Variants in ANKIB1 observed in about 807,000 individuals in gnomAD.
The protein encoded by ANKIB1 is ankyrin repeat and IBR domain-containing protein 1.
In ANKIB1, 43 loss-of-function variants were observed where a neutral mutation model predicts 122.1. The ratio of observed to expected loss-of-function variants is 0.35; its 90% CI spans 0.28 to 0.45. The LOEUF is 0.45. ANKIB1 is among the 20% of genes least tolerant of loss of function. The pLI, the probability that ANKIB1 is intolerant of heterozygous loss-of-function variation, is 1.00. For missense variants in ANKIB1, 992 were observed against 1,329.5 expected, an observed-to-expected ratio of 0.75 and a Z score of 3.95; for synonymous variants, 390 against 442.0, an observed-to-expected ratio of 0.88 and a Z score of 1.48.
intron 1 of ANKIB1, among the ~76,000 whole-genome samples, chr7:92,249,935 G>T (rs1254921081): frequency 6.6e-6 from 1 of 152,068 alleles, no homozygotes; most frequent in African/African-American, 2.4e-5. Context: ...CTTGTGTATA[G>T]TATTACTGGA....
At chr7:92,268,714 G>A (rs1248239196) in intron 1 of ANKIB1, among the ~76,000 whole-genome samples, 4 of 152,284 alleles carry the variant, frequency 2.6e-5, no homozygotes, top group East Asian at 3.9e-4. Flanking sequence ...GGACCCAAAC[G>A]ATCCTCCTAC....
Position 92,398,962 on chromosome 7 carries a change from T to C in ANKIB1, c.*13T>C. 6.5e-7 allele frequency: 1 copy of C among 1,532,742 alleles called. No homozygotes were observed. The highest frequency in any genetic ancestry group is 1.3e-5 in the South Asian group (1 of 76,552). 94.9% of individuals were successfully genotyped at this position (1,532,742 alleles called of 1,614,324 possible). On this transcript the variant is annotated 3_prime_UTR_variant, in exon 20 of 20. Transcript: ENST00000265742. ...ACATTTAGTGTGAACTGCACACATC[T>C]GGGCTCTAAATGAATTACAGGTACA...
intron 1 of ANKIB1, among the ~76,000 whole-genome samples, chr7:92,270,061 T>C (rs1004393230): frequency 3.3e-5 from 5 of 151,856 alleles, no homozygotes; most frequent in African/African-American, 9.7e-5. Context: ...TTCTGGTCTT[T>C]TAAAAAAAAT....
intron 5 of ANKIB1, among the ~76,000 whole-genome samples, chr7:92,330,510 A>C (rs1295407368): frequency 6.6e-6 from 1 of 152,092 alleles, no homozygotes; most frequent in East Asian, 1.9e-4. Context: ...GACCTGAGTA[A>C]AAAAATTAAA....
intron 9 of ANKIB1, among the ~76,000 whole-genome samples, chr7:92,360,141 A>G (rs1423999654): frequency 6.6e-6 from 1 of 152,120 alleles, no homozygotes; most frequent in Non-Finnish European, 1.5e-5. Flanking sequence ...TCACAGTGCA[A>G]CTATAACATT....
intron 1 of ANKIB1, among the ~76,000 whole-genome samples, chr7:92,273,804 ACT>A (rs1801845799): frequency 6.6e-6 from 1 of 150,544 alleles, no homozygotes; most frequent in South Asian, 2.1e-4. Flanking sequence ...ACAGGGAATC[ACT>A]CTGTCACCAA....
At position 92,307,582 on chromosome 7, in the gene ANKIB1, A is replaced by G. The variant is rs373686304; in HGVS notation, c.412A>G (p.Ile138Val). Residue 138 changes from isoleucine (I) to valine (V), a missense_variant, in exon 3 of 20, where the codon ATT becomes GTT. Physicochemically the swap from Ile to Val is conservative, Grantham distance 29. Coordinates refer to ENST00000265742, the MANE Select transcript of ANKIB1 (RefSeq NM_019004.2). ...LDQGEYERAA[I>V]DAVDNKKNTP... ...CCAGGGTGAATATGAGAGAGCAGCT[A>G]TTGATGCTGTTGATAACAAAAAAAA... 20 of 1,613,728 alleles carry G rather than the reference A, an allele frequency of 1.2e-5. No homozygotes were observed. The highest frequency in any genetic ancestry group is 2.2e-5 in the South Asian group (2 of 91,084).
At chr7:92,341,468 G>A (rs746145048) in intron 5 of ANKIB1, among the ~76,000 whole-genome samples, 1 of 151,142 alleles carries the variant, frequency 6.6e-6, no homozygotes, top group Non-Finnish European at 1.5e-5. Flanking sequence ...TAACTGCACT[G>A]ATGCAGATTG....
intron 2 of ANKIB1, among the ~76,000 whole-genome samples, chr7:92,304,628 C>G (rs1802521359): frequency 6.6e-6 from 1 of 152,028 alleles, no homozygotes; most frequent in Admixed American, 6.6e-5. Flanking sequence ...AATCAGATAG[C>G]TTTAATAATT....
rs761654948 is a variant in ANKIB1 at position 92,391,259 on chromosome 7, C to G, written c.2146C>G (p.Leu716Val). The G allele has an allele frequency of 4.3e-5, 70 of 1,613,542 alleles. 1 individual carries two copies. The highest frequency in any genetic ancestry group is 5.8e-5 in the Non-Finnish European group (68 of 1,179,678). Reference protein sequence around the residue: ...PRHKIIKAACLVQQKRQEFLA... With the variant: ...PRHKIIKAACVVQQKRQEFLA... ...CCACAAGATCATCAAAGCAGCATGC[C>G]TTGTACAGCAGAAGAGGCAAGAATT... The change falls in exon 16 of 20, where the codon CTT (leucine) becomes GTT (valine). Residue 716 changes from leucine (L) to valine (V), a missense_variant. Physicochemically the swap from Leu to Val is conservative, Grantham distance 32. Coordinates refer to ENST00000265742, the MANE Select transcript of ANKIB1 (RefSeq NM_019004.2).
At chr7:92,292,508 T>C (rs1169922514) in intron 1 of ANKIB1, among the ~76,000 whole-genome samples, 1 of 152,174 alleles carries the variant, frequency 6.6e-6, no homozygotes, top group East Asian at 1.9e-4. Context: ...AATATAAATC[T>C]CAGAAAATGT....
intron 9 of ANKIB1, among the ~76,000 whole-genome samples, chr7:92,356,692 C>G (rs1803820989): frequency 6.6e-6 from 1 of 152,170 alleles, no homozygotes; most frequent in Non-Finnish European, 1.5e-5. Flanking sequence ...TAAAGCCTTC[C>G]TATCTGATGC....
At chr7:92,350,869 G>T in intron 7 of ANKIB1, 81 bp from the exon 8 acceptor site, 1 of 1,385,162 alleles carries the variant, frequency 7.2e-7, no homozygotes, top group Non-Finnish European at 9.6e-7. Flanking sequence ...AAAAAAAAAG[G>T]AAAGAAAAAG....
chr7:92,376,967 A>G (rs971677088), intron 11 of ANKIB1, among the ~76,000 whole-genome samples: 1 of 152,190 alleles, frequency 6.6e-6, no homozygotes, highest in African/African-American at 2.4e-5. Flanking sequence ...CAACATATCA[A>G]CAATAAGCAT....
intron 5 of ANKIB1, among the ~76,000 whole-genome samples, chr7:92,339,339 G>C (rs1378492268): frequency 1.3e-5 from 2 of 151,926 alleles, no homozygotes; most frequent in African/African-American, 4.8e-5. Flanking sequence ...ACCGCACCTG[G>C]CCAAAAATTT....
intron 10 of ANKIB1, among the ~76,000 whole-genome samples, chr7:92,370,066 A>G (rs1370133010): frequency 1.3e-5 from 2 of 152,218 alleles, no homozygotes; most frequent in Non-Finnish European, 2.9e-5. Context: ...GATGGGCCAT[A>G]TCATAATAGG....
chr7:92,391,955 ATAT>A (rs1335025974), intron 16 of ANKIB1, among the ~76,000 whole-genome samples: 2 of 152,162 alleles, frequency 1.3e-5, no homozygotes, highest in Non-Finnish European at 2.9e-5. Flanking sequence ...TTTTTACATA[ATAT>A]TTATGAGTAA....
intron 1 of ANKIB1, among the ~76,000 whole-genome samples, chr7:92,256,703 A>G (rs1215043167): frequency 6.6e-6 from 1 of 152,198 alleles, no homozygotes; most frequent in East Asian, 1.9e-4. Context: ...ACTGCTTCCC[A>G]TGGCACTTAT....
intron 1 of ANKIB1, among the ~76,000 whole-genome samples, chr7:92,279,018 C>T (rs1327385720): frequency 1.3e-5 from 2 of 152,184 alleles, no homozygotes; most frequent in Admixed American, 6.5e-5. Flanking sequence ...AGTTTTTCCA[C>T]GTACAGCAGA....
Sources: gnomAD v4.1 joint callset for allele counts (sites outside exome capture counted in the v4.1 genomes callset) on GRCh38, gnomAD v4.1.1 for gene constraint, MANE v1.5 for transcripts, NCBI Gene and HGNC (gene_info 2026-07-23, HGNC 2026-07-21) for gene names.